DPP10: variants seen among roughly 807,000 people sequenced by gnomAD.
DPP10 encodes the protein dipeptidyl peptidase like 10.
DPP10 carries 33 observed loss-of-function variants against 120.9 expected under a neutral mutation model. The observed-to-expected ratio is 0.27, with a 90% confidence interval of 0.21 to 0.37. DPP10 has a LOEUF of 0.37. DPP10 is among the 10% of genes least tolerant of loss of function. DPP10 has a pLI of 1.00. For missense variants in DPP10, 816 were observed against 942.8 expected (o/e 0.87, Z 1.76); for synonymous variants, 337 against 326.1 (o/e 1.03, Z -0.36).
At chr2:115,677,669 C>T (rs2090365331) in intron 5 of DPP10, among the ~76,000 whole-genome samples, 1 of 152,040 alleles carries the variant, frequency 6.6e-6, no homozygotes, top group Non-Finnish European at 1.5e-5. Flanking sequence ...AAAAAAGAAA[C>T]AAAGAAGGTT....
At chr2:115,783,313 A>C (rs915005354) in intron 17 of DPP10, among the ~76,000 whole-genome samples, 1 of 152,158 alleles carries the variant, frequency 6.6e-6, no homozygotes, top group African/African-American at 2.4e-5. Context: ...CCAGGGATCA[A>C]ATGAGACAGT....
intron 7 of DPP10, among the ~76,000 whole-genome samples, chr2:115,715,950 T>C (rs1352547777): frequency 1.3e-5 from 2 of 152,194 alleles, no homozygotes; most frequent in African/African-American, 4.8e-5. Context: ...TCTTCTCCAA[T>C]GAACAAGCAA....
chr2:115,774,203 C>CACGCAT (rs1553505137), intron 13 of DPP10, among the ~76,000 whole-genome samples: 1 of 53,800 alleles, frequency 1.9e-5, no homozygotes, highest in African/African-American at 4.4e-5. Context: ...GTCTTTAAAA[C>CACGCAT]ACACATACAC....
chr2:114,755,130 A>G (rs911706956), intron 1 of DPP10, among the ~76,000 whole-genome samples: 1 of 152,234 alleles, frequency 6.6e-6, no homozygotes, highest in Non-Finnish European at 1.5e-5. Context: ...AGCTGTTTAA[A>G]CAAGTATAAA....
At chr2:115,707,421 TACACACACACACAC>T (rs35961586) in intron 7 of DPP10, among the ~76,000 whole-genome samples, 29 of 138,804 alleles carry the variant, frequency 2.1e-4, no homozygotes, top group Middle Eastern at 3.6e-3. Context: ...AAACAAATTT[TACACACACACACAC>T]ACACACACAC....
intron 1 of DPP10, among the ~76,000 whole-genome samples, chr2:115,127,884 T>A (rs1485734152): frequency 6.6e-6 from 1 of 152,234 alleles, no homozygotes; most frequent in Non-Finnish European, 1.5e-5. Context: ...ATACTCCCTA[T>A]GTCAACTCAT....
intron 1 of DPP10, among the ~76,000 whole-genome samples, chr2:115,242,876 T>C (rs2058353900): frequency 6.6e-6 from 1 of 152,166 alleles, no homozygotes; most frequent in Non-Finnish European, 1.5e-5. Context: ...TAAGCAAAGC[T>C]ATATAGTCTC....
intron 1 of DPP10, among the ~76,000 whole-genome samples, chr2:115,268,878 AG>A (rs2059571000): frequency 6.6e-6 from 1 of 151,016 alleles, no homozygotes; most frequent in Admixed American, 6.6e-5. Flanking sequence ...GTCCGGGTGC[AG>A]TGGCTCACGC....
intron 1 of DPP10, among the ~76,000 whole-genome samples, chr2:114,522,016 G>T (rs1685102999): frequency 8.0e-6 from 1 of 125,630 alleles, no homozygotes; most frequent in Admixed American, 9.3e-5. Context: ...GTCTCGCTCT[G>T]TCACCCAGGC....
intron 1 of DPP10, among the ~76,000 whole-genome samples, chr2:115,250,360 C>T (rs1013615438): frequency 1.3e-5 from 2 of 152,090 alleles, no homozygotes; most frequent in Non-Finnish European, 2.9e-5. Context: ...TGCCTTTAGT[C>T]GCAGAAGTTA....
chr2:115,564,631 A>G (rs2080889149), intron 5 of DPP10, among the ~76,000 whole-genome samples: 1 of 152,194 alleles, frequency 6.6e-6, no homozygotes, highest in Non-Finnish European at 1.5e-5. Context: ...ATGAATTTTT[A>G]GTCATAACAA....
intron 3 of DPP10, among the ~76,000 whole-genome samples, chr2:115,445,600 GA>G (rs576534903): frequency 1.5e-3 from 222 of 152,288 alleles, no homozygotes; most frequent in African/African-American, 5.1e-3. Flanking sequence ...GAGATCTGTA[GA>G]ACTTTGAACT....
chr2:115,699,028 AAAAAAAAC>A (rs377097908), intron 7 of DPP10, among the ~76,000 whole-genome samples: 32,109 of 85,856 alleles, frequency 0.37, 4,923 homozygotes, highest in East Asian at 0.59. Flanking sequence ...GACTGAAAAA[AAAAAAAAC>A]AAAAAAAAAA....
At chr2:114,968,442 A>G (rs951754493) in intron 1 of DPP10, among the ~76,000 whole-genome samples, 7 of 152,196 alleles carry the variant, frequency 4.6e-5, no homozygotes, top group Admixed American at 3.9e-4. Flanking sequence ...AAGCTCCTTG[A>G]TGGTAAGTAT....
chr2:114,573,505 A>C (rs546522816), intron 1 of DPP10, among the ~76,000 whole-genome samples: 1 of 152,304 alleles, frequency 6.6e-6, no homozygotes, highest in South Asian at 2.1e-4. Flanking sequence ...GAACAAGAGA[A>C]GTACAAGGAA....
At chr2:115,367,377 G>A (rs1293390350) in intron 3 of DPP10, among the ~76,000 whole-genome samples, 1 of 151,898 alleles carries the variant, frequency 6.6e-6, no homozygotes, top group Non-Finnish European at 1.5e-5. Context: ...GTGTCTTAAA[G>A]GTTGACGGTT....
intron 1 of DPP10, among the ~76,000 whole-genome samples, chr2:115,044,166 A>G (rs1446691590): frequency 6.6e-6 from 1 of 152,122 alleles, no homozygotes; most frequent in Non-Finnish European, 1.5e-5. Flanking sequence ...TGAGTAATTT[A>G]TAAATAAAAG....
intron 1 of DPP10, among the ~76,000 whole-genome samples, chr2:114,481,305 T>C (rs1054546412): frequency 4.0e-5 from 6 of 149,898 alleles, no homozygotes; most frequent in Non-Finnish European, 8.9e-5. Flanking sequence ...AACAAATAAA[T>C]AAATGAAAAA....
chr2:115,556,765 C>T (rs1160689266), intron 5 of DPP10, among the ~76,000 whole-genome samples: 1 of 152,040 alleles, frequency 6.6e-6, no homozygotes, highest in Middle Eastern at 3.2e-3. Flanking sequence ...ATTTTCTCCT[C>T]CAAGGTAACG....
Sources: gnomAD v4.1 joint callset for allele counts (sites outside exome capture counted in the v4.1 genomes callset) on GRCh38, gnomAD v4.1.1 for gene constraint, MANE v1.5 for transcripts, NCBI Gene and HGNC (gene_info 2026-07-23, HGNC 2026-07-21) for gene names.